The following ADAMTS7 variants were observed in gnomAD, a reference collection of about 807,000 sequenced individuals.
The protein encoded by ADAMTS7 is A disintegrin and metalloproteinase with thrombospondin motifs 7.
Under a neutral mutation model 172.6 loss-of-function variants are expected in ADAMTS7, and 89 were observed. That is an observed-to-expected ratio of 0.52 (90% CI 0.43 to 0.61). ADAMTS7 has a LOEUF of 0.61. ADAMTS7 is among the 20% of genes least tolerant of loss of function. ADAMTS7 has a pLI of 0.00. For synonymous variants in ADAMTS7, 885 were observed against 978.4 expected (o/e 0.90, Z 1.78); for missense variants, 1,973 against 2,355.6 (o/e 0.84, Z 3.36).
chr15:78,783,098 G>C (rs185717580), intron 8 of ADAMTS7, among the ~76,000 whole-genome samples: 12 of 152,280 alleles, frequency 7.9e-5, no homozygotes, highest in African/African-American at 2.9e-4. Flanking sequence ...TCGGAAAACT[G>C]AATCACTCAG....
chr15:78,761,931 C>T (rs1349157212), intron 23 of ADAMTS7: 1 of 985,410 alleles, frequency 1.0e-6, no homozygotes. Flanking sequence ...TAGCAGGACC[C>T]TGGAAAGGAG....
At chr15:78,788,164 T>A (rs2055531278) in intron 8 of ADAMTS7, 67 bp downstream of exon 8, 1 of 1,588,984 alleles carries the variant, frequency 6.3e-7, no homozygotes, top group Non-Finnish European at 8.6e-7. Flanking sequence ...TATGACTGTC[T>A]GCATCTCTCC....
At position 78,766,859 on chromosome 15, in the gene ADAMTS7, C is replaced by T. The variant is rs373018837; in HGVS notation, c.3052G>A (p.Glu1018Lys). ...AGGTGGTGCGGGATGAAGTCAGCCT[C>T]GTTGAAGAGCTCGTGGCTGGAGGAG... ...SGSSSHELFN[E>K]ADFIPHHLAP... The change falls in exon 19 of 24, where the codon GAG becomes AAG. Residue 1018 changes from glutamate (E) to lysine (K), a missense_variant. By Grantham distance (56) the Glu-to-Lys change is moderately conservative. Transcript: ENST00000388820. 5.6e-5 allele frequency: 90 copies of T among 1,609,572 alleles called. 1 individual carries two copies. The South Asian group carries it at 6.6e-4, about 12-fold the overall frequency.
chr15:78,764,492 G>A (rs957391689), intron 20 of ADAMTS7, 63 bp downstream of exon 20: 111 of 1,501,076 alleles, frequency 7.4e-5, no homozygotes, highest in Non-Finnish European at 9.0e-5. Flanking sequence ...AACACAGGCC[G>A]TGGGGAACCA....
intron 14 of ADAMTS7, 87 bp downstream of exon 14, chr15:78,772,996 G>A (rs2055276288): frequency 4.1e-6 from 6 of 1,448,708 alleles, no homozygotes; most frequent in Admixed American, 2.1e-5. Flanking sequence ...TGGGGGCCAC[G>A]AGGCCAAGGA....
intron 16 of ADAMTS7, among the ~76,000 whole-genome samples, chr15:78,769,663 C>T (rs1321560437): frequency 6.6e-6 from 1 of 152,224 alleles, no homozygotes; most frequent in Non-Finnish European, 1.5e-5. Flanking sequence ...CAGTCAGCTC[C>T]AGGTCCCGCC....
intron 23 of ADAMTS7, among the ~76,000 whole-genome samples, chr15:78,760,183 G>C (rs1242047396): frequency 2.0e-5 from 3 of 152,108 alleles, no homozygotes; most frequent in Admixed American, 6.6e-5. Flanking sequence ...GCGGAAACCA[G>C]AGACTGAGCC....
intron 1 of ADAMTS7, among the ~76,000 whole-genome samples, chr15:78,801,007 C>G (rs546089735): frequency 6.6e-6 from 1 of 152,276 alleles, no homozygotes; most frequent in African/African-American, 2.4e-5. Flanking sequence ...TCCCAAAGTG[C>G]TGCAATTACA....
intron 1 of ADAMTS7, among the ~76,000 whole-genome samples, chr15:78,806,546 A>T (rs1433293644): frequency 1.3e-5 from 2 of 152,152 alleles, no homozygotes; most frequent in African/African-American, 4.8e-5. Context: ...ATAGTTGTAT[A>T]ATCTGAGTCA....
In ADAMTS7 at chr15:78,774,293, G is replaced by A. The variant is rs780442904; in HGVS notation, c.1884C>T (p.Pro628=). The change falls in exon 13 of 24, where the codon CCC becomes CCT. Residue 628 remains proline, a synonymous_variant. Coordinates refer to ENST00000388820, the MANE Select transcript of ADAMTS7 (RefSeq NM_014272.5). ...TWVPVVNDVN[P]CELHCRPANE... ...TCGCGGGCCGGCAGTGCAGCTCGCA[G>A]GGGTTCACTGAGGGCCCAAGTAGAA... 16 of 1,571,070 alleles carry A rather than the reference G, an allele frequency of 1.0e-5. No individual in the cohort carries two copies. The highest frequency in any genetic ancestry group is 1.3e-5 in the Non-Finnish European group (15 of 1,167,778).
rs150259228 is a variant in ADAMTS7, at chr15:78,793,017, G to C, written c.820-1794C>G. Among the ~76,000 whole-genome samples the C allele has an allele frequency of 4.2e-3, 643 of 152,244 alleles. 4 individuals are homozygous for C. Among genetic ancestry groups the C allele is most frequent in the African/African-American group, 0.015 (620 of 41,530 alleles). The stretch of plus-strand genomic sequence containing the variant: ...GAAAGATGAGGCTGTCCTGAAGGTG[G>C]CTGTGGGTCAGATACTGCAGCAGCC... On this transcript the variant is annotated intron_variant, in intron 4 of 23. Coordinates refer to ENST00000388820, the MANE Select transcript of ADAMTS7 (RefSeq NM_014272.5).
In ADAMTS7 at chr15:78,767,687, G is replaced by A. The variant is rs187180959; in HGVS notation, c.2646-95C>T. 3.3e-4 allele frequency: 393 copies of A among 1,198,244 alleles called. No homozygotes were observed. The African/African-American group carries it at 4.6e-3, about 14-fold the overall frequency. The allele number at this position is 1,198,244 out of a possible 1,614,324, so 74.2% of individuals were successfully genotyped here. ...GGCCAGGCTGGGCTTCCAGGCCCTC[G>A]GCATTTGGGTAGAGCTGGGACTGAG... On this transcript the variant is annotated intron_variant, in intron 17 of 23. Transcript: ENST00000388820.
chr15:78,769,020 T>C lies in ADAMTS7; in HGVS notation c.2519-761A>G, dbSNP rs146379851. ...GCTCGTGGCTGGAGGAGCCGCTGCC[T>C]GAGCCTTCAGGGCCCAGTGTGTCCG... is the stretch of plus-strand genomic sequence containing the variant. On this transcript the variant is annotated intron_variant, in intron 16 of 23. Coordinates refer to ENST00000388820, the MANE Select transcript of ADAMTS7 (RefSeq NM_014272.5). Among the ~76,000 whole-genome samples, 1,686 of 152,278 alleles carry C rather than the reference T, an allele frequency of 0.011. 34 individuals carry two copies. In the East Asian group the frequency reaches 0.12, roughly 11 times the overall value.
At chr15:78,808,553 T>C (rs1443505255) in intron 1 of ADAMTS7, among the ~76,000 whole-genome samples, 1 of 152,234 alleles carries the variant, frequency 6.6e-6, no homozygotes, top group Non-Finnish European at 1.5e-5. Context: ...CCTTTTTTTA[T>C]AGTGAACTTG....
At chr15:78,765,372 G>A (rs1211201315) in intron 19 of ADAMTS7, among the ~76,000 whole-genome samples, 1 of 152,268 alleles carries the variant, frequency 6.6e-6, no homozygotes, top group African/African-American at 2.4e-5. Context: ...TGGCGGCCAT[G>A]CGGGGACCGT....
intron 8 of ADAMTS7, among the ~76,000 whole-genome samples, chr15:78,782,567 TAAAC>T (rs1371219402): frequency 6.6e-6 from 1 of 151,872 alleles, no homozygotes; most frequent in Non-Finnish European, 1.5e-5. Context: ...GTAGAGGAAA[TAAAC>T]AAGGCATAAA....
At chr15:78,789,641 G>A (rs765115851) in intron 7 of ADAMTS7, 48 bp downstream of exon 7, 203 of 1,605,822 alleles carry the variant, frequency 1.3e-4, no homozygotes, top group Non-Finnish European at 1.5e-4. Flanking sequence ...CCCAGGCTGC[G>A]AGGGTGAAGC....
chr15:78,803,511 A>G (rs959495972), intron 1 of ADAMTS7, among the ~76,000 whole-genome samples: 7 of 147,046 alleles, frequency 4.8e-5, no homozygotes, highest in Non-Finnish European at 8.9e-5. Flanking sequence ...GTAGTGCAGT[A>G]GCTCAATCTT....
intron 4 of ADAMTS7, among the ~76,000 whole-genome samples, 186 bp downstream of exon 4, chr15:78,796,404 A>C (rs567271329): frequency 6.6e-6 from 1 of 152,170 alleles, no homozygotes; most frequent in Non-Finnish European, 1.5e-5. Flanking sequence ...AGGCTCTCTC[A>C]TAGTGACTAG....
Sources: allele counts gnomAD v4.1 joint callset (sites outside exome capture counted in the v4.1 genomes callset), GRCh38; gene constraint gnomAD v4.1.1; transcripts MANE v1.5; gene names NCBI Gene and HGNC (gene_info 2026-07-23, HGNC 2026-07-21).